Variants in IQCH observed in about 807,000 individuals in gnomAD.
IQCH encodes IQ domain-containing protein H.
Under a neutral mutation model 117.0 loss-of-function variants are expected in IQCH, and 98 were observed. The ratio of observed to expected loss-of-function variants is 0.84; its 90% CI spans 0.71 to 0.99. IQCH has a LOEUF of 0.99. Among genes scored for constraint, IQCH ranks in the 50% least tolerant of loss-of-function variants. The probability of loss-of-function intolerance (pLI) is 0.00; values close to 1 mark genes in which losing one functional copy is unlikely to be tolerated. For synonymous variants in IQCH, 412 were observed against 448.2 expected, an observed-to-expected ratio of 0.92 and a Z score of 1.02; for missense variants, 1,102 against 1,243.8, an observed-to-expected ratio of 0.89 and a Z score of 1.72.
Position 67,474,763 on chromosome 15 carries a change from A to T in IQCH, c.2677-933A>T, listed in dbSNP as rs2083162541. Among the ~76,000 whole-genome samples, 1 of 152,208 alleles carries T rather than the reference A, an allele frequency of 6.6e-6. No homozygotes were observed. Among genetic ancestry groups the T allele is most frequent in the South Asian group, 2.1e-4 (1 of 4,836 alleles). Reference sequence around the variant, plus strand: ...AAGAGTGGGAAAATATCTTTACAGCAGAGAAATCTGTAAAGTTTTTTCACA... The same window carrying T: ...AAGAGTGGGAAAATATCTTTACAGCTGAGAAATCTGTAAAGTTTTTTCACA... On this transcript the variant is annotated intron_variant, in intron 17 of 20. Coordinates refer to ENST00000335894, the MANE Select transcript of IQCH (RefSeq NM_001031715.3). This position sits in a 1 kb window ranked among gnomAD's most constrained non-coding sequence, Gnocchi z 4.1.
chr15:67,419,537 G>A (rs979139355), intron 15 of IQCH, among the ~76,000 whole-genome samples: 1 of 152,104 alleles, frequency 6.6e-6, no homozygotes, highest in African/African-American at 2.4e-5. Flanking sequence ...GATTATATCA[G>A]AAGCAATACT....
intron 4 of IQCH, among the ~76,000 whole-genome samples, chr15:67,317,184 G>T (rs1967888917): frequency 6.6e-6 from 1 of 152,102 alleles, no homozygotes; most frequent in African/African-American, 2.4e-5. Flanking sequence ...ATAATTGAGT[G>T]AGAACTATGT....
In IQCH at chr15:67,384,707, A is replaced by G. The variant is rs772938729; in HGVS notation, c.1373-229A>G. Among the ~76,000 whole-genome samples the G allele has an allele frequency of 6.6e-6, 1 of 151,836 alleles. No individual in the cohort carries two copies. Among genetic ancestry groups the G allele is most frequent in the Non-Finnish European group, 1.5e-5 (1 of 67,972 alleles). ...TTAGCAGCCTTGTTGGTACTGAAAAATGTGAACCCCTCTGTTACAGAGTAT... is the reference window on the plus strand; with the variant it reads ...TTAGCAGCCTTGTTGGTACTGAAAAGTGTGAACCCCTCTGTTACAGAGTAT... On this transcript the variant is annotated intron_variant, in intron 10 of 20. Coordinates refer to ENST00000335894, the MANE Select transcript of IQCH (RefSeq NM_001031715.3). The surrounding 1 kb of genome is among the most constrained non-coding windows in gnomAD (Gnocchi z 4.3).
intron 4 of IQCH, among the ~76,000 whole-genome samples, chr15:67,312,831 C>G (rs1483267327): frequency 1.3e-5 from 2 of 152,172 alleles, no homozygotes; most frequent in Non-Finnish European, 2.9e-5. Flanking sequence ...TAATTATCTA[C>G]TGAGAGGTTC....
intron 20 of IQCH, among the ~76,000 whole-genome samples, chr15:67,497,421 T>C (rs2083850403): frequency 6.6e-6 from 1 of 152,180 alleles, no homozygotes; most frequent in Non-Finnish European, 1.5e-5. Flanking sequence ...ATTTGTGTAA[T>C]GAATAATGCA....
chr15:67,348,806 G>A (rs972920936), intron 6 of IQCH, among the ~76,000 whole-genome samples: 8 of 152,208 alleles, frequency 5.3e-5, no homozygotes, highest in Non-Finnish European at 8.8e-5. Flanking sequence ...ACAATAGCTA[G>A]TACAATTGTG....
chr15:67,269,324 A>C (rs1002499327), intron 3 of IQCH, among the ~76,000 whole-genome samples: 1 of 152,220 alleles, frequency 6.6e-6, no homozygotes, highest in Non-Finnish European at 1.5e-5. Flanking sequence ...AGTGTAAATT[A>C]GCACAAAGTT....
rs1484483559 is a variant in IQCH at position 67,476,076 on chromosome 15, G to T, written c.2799+258G>T. ...AAGCAGAAGCCATGCAAGCTCTCCA[G>T]ACTTAGGAGGCATTTTGGGGACCAC... On this transcript the variant is annotated intron_variant, in intron 18 of 20. Coordinates refer to ENST00000335894, the MANE Select transcript of IQCH (RefSeq NM_001031715.3). This position sits in a 1 kb window ranked among gnomAD's most constrained non-coding sequence, Gnocchi z 4.1. 6.6e-6 allele frequency among the ~76,000 whole-genome samples: 1 copy of T among 152,240 alleles called. No homozygotes were observed. Among genetic ancestry groups the T allele is most frequent in the Admixed American group, 6.5e-5 (1 of 15,286 alleles).
chr15:67,419,350 C>T (rs1020493856), intron 15 of IQCH, among the ~76,000 whole-genome samples: 1 of 152,130 alleles, frequency 6.6e-6, no homozygotes, highest in African/African-American at 2.4e-5. Context: ...GTGCATACAG[C>T]AGGCCCTGCA....
intron 4 of IQCH, among the ~76,000 whole-genome samples, chr15:67,333,058 C>T (rs1968735052): frequency 6.6e-6 from 1 of 152,154 alleles, no homozygotes; most frequent in Non-Finnish European, 1.5e-5. Flanking sequence ...TCTCTGTGTC[C>T]TCACATGGTG....
intron 16 of IQCH, among the ~76,000 whole-genome samples, chr15:67,461,234 A>G (rs1734272783): frequency 6.6e-6 from 1 of 152,224 alleles, no homozygotes; most frequent in African/African-American, 2.4e-5. Flanking sequence ...GAATAGGATT[A>G]AATGAGAGGT....
chr15:67,359,669 G>A lies in IQCH; in HGVS notation c.715-178G>A, dbSNP rs551222484. Among the ~76,000 whole-genome samples, 8 of 152,330 alleles carry A rather than the reference G, an allele frequency of 5.3e-5. No individual in the cohort carries two copies. In the South Asian group the frequency reaches 1.0e-3, roughly 20 times the overall value. ...AACGGGGCTTGGCAAACAGAGCATC[G>A]TTGTCAGTGTGGGAAAGGTCTTTCT... On this transcript the variant is annotated intron_variant, in intron 7 of 20. Transcript: ENST00000335894. This position sits in a 1 kb window ranked among gnomAD's most constrained non-coding sequence, Gnocchi z 4.5.
chr15:67,299,977 C>A (rs1439443271), intron 4 of IQCH, among the ~76,000 whole-genome samples: 3 of 151,908 alleles, frequency 2.0e-5, no homozygotes, highest in African/African-American at 7.3e-5. Context: ...TATTAGCAAC[C>A]ATTGATGTTT....
At position 67,407,830 on chromosome 15, in the gene IQCH, C is replaced by G. The variant is rs974711786; in HGVS notation, c.2097+7525C>G. On this transcript the variant is annotated intron_variant, in intron 14 of 20. Coordinates refer to ENST00000335894, the MANE Select transcript of IQCH (RefSeq NM_001031715.3). This position sits in a 1 kb window ranked among gnomAD's most constrained non-coding sequence, Gnocchi z 5.3. ...GCACAGATCCCACAGTCTGGAAACA[C>G]TCTACCTTCCAGCCATTAGCTCTCA... 6.6e-6 allele frequency: 1 copy of G among 152,224 alleles called. No homozygotes were observed. Among genetic ancestry groups the G allele is most frequent in the Non-Finnish European group, 1.5e-5 (1 of 68,040 alleles). 9.4% of individuals were successfully genotyped at this position (152,224 alleles called of 1,614,324 possible).
intron 8 of IQCH, chr15:67,371,407 C>T: frequency 1.7e-6 from 2 of 1,168,678 alleles, no homozygotes; most frequent in East Asian, 5.5e-5. Context: ...AAAGCAAATG[C>T]TCCCTTGGTT....
Position 67,454,171 on chromosome 15 carries a change from C to T in IQCH, c.2506-10956C>T, listed in dbSNP as rs181748142. On this transcript the variant is annotated intron_variant, in intron 16 of 20. Transcript: ENST00000335894. This position sits in a 1 kb window ranked among gnomAD's most constrained non-coding sequence, Gnocchi z 5.2. ...GGAAAGGGAATTCCCTGACCCCTTGCGCTTCCCAGGTGGGGCGATGCCTTG... is the reference window on the plus strand; with the variant it reads ...GGAAAGGGAATTCCCTGACCCCTTGTGCTTCCCAGGTGGGGCGATGCCTTG... Among the ~76,000 whole-genome samples the T allele has an allele frequency of 5.1e-4, 78 of 152,334 alleles. No individual in the cohort carries two copies. Among genetic ancestry groups the T allele is most frequent in the South Asian group, 6.2e-4 (3 of 4,826 alleles).
intron 4 of IQCH, among the ~76,000 whole-genome samples, chr15:67,328,667 C>A (rs1968521699): frequency 6.6e-6 from 1 of 152,226 alleles, no homozygotes; most frequent in African/African-American, 2.4e-5. Flanking sequence ...TCAGGTCTTA[C>A]TGATAATATG....
intron 4 of IQCH, among the ~76,000 whole-genome samples, chr15:67,321,154 T>C (rs1490060415): frequency 6.6e-6 from 1 of 152,168 alleles, no homozygotes; most frequent in Non-Finnish European, 1.5e-5. Flanking sequence ...TACTGTTTTT[T>C]GTGGGGGATT....
In IQCH at chr15:67,474,539, T is replaced by G. The variant is rs2141044572; in HGVS notation, c.2677-1157T>G. On this transcript the variant is annotated intron_variant, in intron 17 of 20. Coordinates refer to ENST00000335894, the MANE Select transcript of IQCH (RefSeq NM_001031715.3). This position sits in a 1 kb window ranked among gnomAD's most constrained non-coding sequence, Gnocchi z 4.1. ...TTCTTTATCTGGTACATATTAAATTTTAAATGTTTTCAGGAAATACATAAT... is the reference window on the plus strand; with the variant it reads ...TTCTTTATCTGGTACATATTAAATTGTAAATGTTTTCAGGAAATACATAAT... Among the ~76,000 whole-genome samples the G allele has an allele frequency of 6.6e-6, 1 of 152,324 alleles. No individual in the cohort carries two copies. The highest frequency in any genetic ancestry group is 2.1e-4 in the South Asian group (1 of 4,828).
Sources: gnomAD v4.1 joint callset for allele counts (sites outside exome capture counted in the v4.1 genomes callset) on GRCh38, gnomAD v4.1.1 for gene constraint, Gnocchi (gnomAD v3.1) non-coding constraint, MANE v1.5 for transcripts, NCBI Gene and HGNC (gene_info 2026-07-23, HGNC 2026-07-21) for gene names.